TUBB1: variants seen among roughly 807,000 people sequenced by gnomAD.
TUBB1 encodes the protein tubulin beta 1 class VI, also known as tubulin beta-1 chain.
Under a neutral mutation model 22.6 loss-of-function variants are expected in TUBB1, and 28 were observed. The observed-to-expected ratio is 1.24, with a 90% CI of 0.92 to 1.70. The LOEUF is 1.70. TUBB1 is among the 40% of genes most tolerant of loss of function. TUBB1 has a pLI of 0.00. For missense variants in TUBB1, 577 were observed against 605.5 expected, an observed-to-expected ratio of 0.95 and a Z score of 0.49; for synonymous variants, 226 against 238.0, an observed-to-expected ratio of 0.95 and a Z score of 0.46.
At chr20:59,022,058 CG>C (rs1371205055) in intron 1 of TUBB1, among the ~76,000 whole-genome samples, 3 of 151,942 alleles carry the variant, frequency 2.0e-5, no homozygotes, top group Non-Finnish European at 4.4e-5. Context: ...AAAGAAAGGC[CG>C]GGTGCTGTGG....
chr20:59,024,851 C>T lies in TUBB1; in HGVS notation c.*68C>T. ...TCTCATTAGATGAGTGTTTCTCCTG[C>T]AGCACTCCAAAACCCACTCTGCACT... On this transcript the variant is annotated 3_prime_UTR_variant, in exon 4 of 4. Transcript: ENST00000217133. This position sits in a 1 kb window ranked among gnomAD's most constrained non-coding sequence, Gnocchi z 4.9. 1 of 1,458,954 alleles carries T rather than the reference C, an allele frequency of 6.9e-7. No individual in the cohort carries two copies. The highest frequency in any genetic ancestry group is 9.6e-7 in the Non-Finnish European group (1 of 1,043,092). 90.4% of individuals were successfully genotyped at this position (1,458,954 alleles called of 1,614,324 possible).
rs991963759 is a variant in TUBB1 at position 59,025,421 on chromosome 20, C to T, written c.*638C>T. The T allele has an allele frequency of 3.9e-5, 6 of 153,322 alleles. No homozygotes were observed. The highest frequency in any genetic ancestry group is 1.4e-4 in the African/African-American group (6 of 41,470). The allele number at this position is 153,322 out of a possible 1,614,324, so 9.5% of individuals were successfully genotyped here. Reference sequence around the variant, plus strand: ...AAAAGAAAAGCCACAGTCCTCTCCACAAAAATACCTGGTCCAAACAAGAAA... The same window carrying T: ...AAAAGAAAAGCCACAGTCCTCTCCATAAAAATACCTGGTCCAAACAAGAAA... On this transcript the variant is annotated 3_prime_UTR_variant, in exon 4 of 4. Coordinates refer to ENST00000217133, the MANE Select transcript of TUBB1 (RefSeq NM_030773.4).
In TUBB1 at chr20:59,026,606, C is replaced by CA. The variant is rs2091995888; in HGVS notation, c.*1827dup. On this transcript the variant is annotated 3_prime_UTR_variant, in exon 4 of 4. Transcript: ENST00000217133. ...TACAAAGTAATTCAATTTTAAATGG[C>CA]AAAATTGCTTTATTTCAGACTAAAT... 6.6e-6 allele frequency: 1 copy of CA among 152,192 alleles called. No homozygotes were observed. Among genetic ancestry groups the CA allele is most frequent in the African/African-American group, 2.4e-5 (1 of 41,440 alleles). 9.4% of individuals were successfully genotyped at this position (152,192 alleles called of 1,614,324 possible). A position where few individuals can be genotyped will look rare whatever the true frequency, so the allele number is the denominator to read the frequency against.
rs1248833808 is a variant in TUBB1, at chr20:59,021,413, A to T, written c.58-1432A>T. Among the ~76,000 whole-genome samples, 5 of 152,240 alleles carry T rather than the reference A, an allele frequency of 3.3e-5. No homozygotes were observed. In the South Asian group the frequency reaches 1.0e-3, roughly 31 times the overall value. The stretch of plus-strand genomic sequence containing the variant: ...GCAGTTTACCATGAACTGCCTTGTT[A>T]TTAAGACCATGGCCAGAGCAGCACT... On this transcript the variant is annotated intron_variant, in intron 1 of 3. Transcript: ENST00000217133.
At position 59,025,349 on chromosome 20, in the gene TUBB1, A is replaced by G. The variant is rs951983425; in HGVS notation, c.*566A>G. The G allele has an allele frequency of 5.6e-6, 1 of 179,188 alleles. No individual in the cohort carries two copies. Among genetic ancestry groups the G allele is most frequent in the African/African-American group, 2.4e-5 (1 of 42,150 alleles). The allele number at this position is 179,188 out of a possible 1,614,324, so 11.1% of individuals were successfully genotyped here. On this transcript the variant is annotated 3_prime_UTR_variant, in exon 4 of 4. Transcript: ENST00000217133. Reference sequence around the variant, plus strand: ...GAGTCAACATCCACTAGAAATATCCATGTTGTGTAGACCTGTGCATACAAC... The same window carrying G: ...GAGTCAACATCCACTAGAAATATCCGTGTTGTGTAGACCTGTGCATACAAC...
intron 1 of TUBB1, 141 bp downstream of exon 1, chr20:59,019,720 G>C (rs958088368): frequency 2.3e-6 from 2 of 887,130 alleles, no homozygotes; most frequent in African/African-American, 3.4e-5. Flanking sequence ...ATGCCTTTGG[G>C]CTTTAATTCT....
upstream of TUBB1, among the ~76,000 whole-genome samples, chr20:59,018,530 C>T (rs868456786): frequency 2.0e-5 from 3 of 152,076 alleles, no homozygotes; most frequent in Admixed American, 6.5e-5. Context: ...GCCGCAGTCT[C>T]CCGAGTAGCT....
In TUBB1 at chr20:59,024,744, G is replaced by A. The variant is rs200189119; in HGVS notation, c.1317G>A (p.Thr439=). The change falls in exon 4 of 4, where the codon ACG becomes ACA. Residue 439 remains threonine (T), a synonymous_variant. Coordinates refer to ENST00000217133, the MANE Select transcript of TUBB1 (RefSeq NM_030773.4). This position sits in a 1 kb window ranked among gnomAD's most constrained non-coding sequence, Gnocchi z 4.9. Reference sequence around the variant, plus strand: ...TTCTAGAGGAAGATGAAGAGGTCACGGAGGAGGCAGAAATGGAGCCAGAAG... The same window carrying A: ...TTCTAGAGGAAGATGAAGAGGTCACAGAGGAGGCAGAAATGGAGCCAGAAG... ...KAVLEEDEEV[T]EEAEMEPEDK... 4.8e-5 allele frequency: 77 copies of A among 1,614,142 alleles called. No homozygotes were observed. Among genetic ancestry groups the A allele is most frequent in the African/African-American group, 3.9e-4 (29 of 75,020 alleles).
rs375025391 is a variant in TUBB1, at chr20:59,023,620, T to C, written c.277+20T>C. ...TCCATGGTATGTTTTTCCAGAAGGT[T>C]CCACCAGGAGGAGGGGGGGATGCTT... On this transcript the variant is annotated intron_variant, in intron 3 of 3. Coordinates refer to ENST00000217133, the MANE Select transcript of TUBB1 (RefSeq NM_030773.4). 5.0e-5 allele frequency: 81 copies of C among 1,613,764 alleles called. No individual in the cohort carries two copies. Among genetic ancestry groups the C allele is most frequent in the Non-Finnish European group, 6.5e-5 (77 of 1,179,786 alleles).
rs1442748009 is a variant in TUBB1, at chr20:59,023,997, C to A, written c.570C>A (p.His190Gln). The A allele has an allele frequency of 1.2e-6, 2 of 1,614,216 alleles. No individual in the cohort carries two copies. Among genetic ancestry groups the A allele is most frequent in the Non-Finnish European group, 1.7e-6 (2 of 1,180,038 alleles). ...CCTACAACGCGGTTCTGTCTATCCA[C>A]CAGCTGATTGAGAATGCAGATGCCT... ...VEPYNAVLSI[H>Q]QLIENADACF... is the part of the protein sequence containing the mutation. The change falls in exon 4 of 4, where the codon CAC (histidine) becomes CAA (glutamine). Residue 190 changes from histidine (H) to glutamine (Q), a missense_variant. His to Gln is a conservative substitution (Grantham distance 24). Transcript: ENST00000217133.
intron 2 of TUBB1, among the ~76,000 whole-genome samples, 154 bp downstream of exon 2, chr20:59,023,107 C>G (rs969696940): frequency 6.6e-6 from 1 of 152,102 alleles, no homozygotes; most frequent in African/African-American, 2.4e-5. Context: ...TGGTGGGTCC[C>G]CAAGCCCTGG....
chr20:59,023,099 G>A (rs2091976057), intron 2 of TUBB1, 146 bp downstream of exon 2: 2 of 797,410 alleles, frequency 2.5e-6, no homozygotes, highest in Admixed American at 2.0e-5. Flanking sequence ...TCCTAGAGTG[G>A]TGGGTCCCCA....
intron 1 of TUBB1, among the ~76,000 whole-genome samples, chr20:59,022,576 TAGG>T (rs1319876240): frequency 5.9e-5 from 9 of 152,232 alleles, no homozygotes; most frequent in Non-Finnish European, 1.0e-4. Context: ...ATGAATTTAA[TAGG>T]AGGAAAATCC....
chr20:59,021,503 A>C (rs1488264641), intron 1 of TUBB1, among the ~76,000 whole-genome samples: 1 of 152,188 alleles, frequency 6.6e-6, no homozygotes, highest in East Asian at 1.9e-4. Flanking sequence ...ATGTGAATAC[A>C]TTTTCATTGC....
upstream of TUBB1, among the ~76,000 whole-genome samples, chr20:59,018,255 T>C (rs1201281665): frequency 2.0e-5 from 3 of 152,194 alleles, no homozygotes; most frequent in African/African-American, 7.2e-5. Context: ...CTGGATGCCC[T>C]TGCCTGGTTG....
chr20:59,016,786 G>T (rs938823803), upstream of TUBB1, among the ~76,000 whole-genome samples: 11 of 152,160 alleles, frequency 7.2e-5, no homozygotes, highest in Non-Finnish European at 1.6e-4. Context: ...TAATAAAATG[G>T]TCTGTTTTAA....
chr20:59,024,391 T>C lies in TUBB1; in HGVS notation c.964T>C (p.Ser322Pro), dbSNP rs763621430. The change falls in exon 4 of 4, where the codon TCC (serine) becomes CCC (proline). Residue 322 changes from serine (S) to proline (P), a missense_variant. Coordinates refer to ENST00000217133, the MANE Select transcript of TUBB1 (RefSeq NM_030773.4). This position sits in a 1 kb window ranked among gnomAD's most constrained non-coding sequence, Gnocchi z 4.9. ...TVACIFRGKM[S>P]TKEVDQQLLS... ...GGCCTGCATTTTCCGGGGCAAGATG[T>C]CCACCAAGGAAGTGGACCAGCAACT... 3.1e-6 allele frequency: 5 copies of C among 1,614,174 alleles called. No individual in the cohort carries two copies.
intron 2 of TUBB1, 86 bp from the exon 3 acceptor site, chr20:59,023,404 G>C (rs1357754086): frequency 1.6e-6 from 2 of 1,216,354 alleles, no homozygotes; most frequent in Non-Finnish European, 2.4e-6. Flanking sequence ...GATTTTTTTT[G>C]GACCAGTATC....
At position 59,025,063 on chromosome 20, in the gene TUBB1, C is replaced by T; in HGVS notation, c.*280C>T. On this transcript the variant is annotated 3_prime_UTR_variant, in exon 4 of 4. Coordinates refer to ENST00000217133, the MANE Select transcript of TUBB1 (RefSeq NM_030773.4). ...TTATTGTAAAGTGCTCCCTTTGTTT[C>T]AAAGTGTTTGCCAGGCATCCAGACT... 1 of 459,688 alleles carries T rather than the reference C, an allele frequency of 2.2e-6. No homozygotes were observed. Among genetic ancestry groups the T allele is most frequent in the Non-Finnish European group, 4.0e-6 (1 of 249,144 alleles). The allele number at this position is 459,688 out of a possible 1,614,324, so 28.5% of individuals were successfully genotyped here.
Sources: allele counts gnomAD v4.1 joint callset (sites outside exome capture counted in the v4.1 genomes callset), GRCh38; gene constraint gnomAD v4.1.1; non-coding constraint Gnocchi (gnomAD v3.1); transcripts MANE v1.5; gene names NCBI Gene and HGNC (gene_info 2026-07-23, HGNC 2026-07-21).